GPC6: variants seen among roughly 807,000 people sequenced by gnomAD.
GPC6 encodes glypican-6.
GPC6 carries 14 observed loss-of-function variants against 55.2 expected under a neutral mutation model. The ratio of observed to expected loss-of-function variants is 0.25; its 90% CI spans 0.17 to 0.40. GPC6 has a LOEUF of 0.40. Ranked by LOEUF, GPC6 falls within the 10% of genes least tolerant of loss-of-function variation. The probability of loss-of-function intolerance (pLI) is 1.00; values close to 1 mark genes in which losing one functional copy is unlikely to be tolerated. For synonymous variants in GPC6, 278 were observed against 259.6 expected (o/e 1.07, Z -0.68); for missense variants, 641 against 708.5 (o/e 0.90, Z 1.08).
At chr13:93,914,964 T>A (rs1023557812) in intron 3 of GPC6, among the ~76,000 whole-genome samples, 48 of 152,208 alleles carry the variant, frequency 3.2e-4, no homozygotes, top group African/African-American at 1.2e-3. Flanking sequence ...TCCAAGCATA[T>A]TCTCAGTATT....
chr13:93,785,270 G>T (rs1381306022), intron 2 of GPC6, among the ~76,000 whole-genome samples: 3 of 152,112 alleles, frequency 2.0e-5, no homozygotes, highest in Non-Finnish European at 2.9e-5. Flanking sequence ...CAGAAGGAAA[G>T]AAATATACTA....
chr13:93,824,864 A>G (rs896311795), intron 2 of GPC6, among the ~76,000 whole-genome samples: 3 of 152,070 alleles, frequency 2.0e-5, no homozygotes, highest in Admixed American at 1.3e-4. Context: ...CCATCGATCT[A>G]TTCATTCATT....
chr13:94,108,528 G>A (rs1191443690), intron 4 of GPC6, among the ~76,000 whole-genome samples: 4 of 152,196 alleles, frequency 2.6e-5, no homozygotes, highest in South Asian at 2.1e-4. Context: ...AAAACCTATG[G>A]AAATAAGAAA....
intron 1 of GPC6, among the ~76,000 whole-genome samples, chr13:93,339,439 C>T (rs939149820): frequency 1.3e-5 from 2 of 151,544 alleles, no homozygotes; most frequent in Non-Finnish European, 2.9e-5. Flanking sequence ...TATCTTTCCC[C>T]TGAGTATCTC....
At chr13:93,363,408 G>A (rs1881122849) in intron 1 of GPC6, among the ~76,000 whole-genome samples, 2 of 151,830 alleles carry the variant, frequency 1.3e-5, no homozygotes, top group South Asian at 2.1e-4. Context: ...TCTTGTGATA[G>A]TTTACTGAGA....
intron 1 of GPC6, among the ~76,000 whole-genome samples, chr13:93,532,829 C>T (rs1434324482): frequency 1.3e-5 from 2 of 152,022 alleles, no homozygotes; most frequent in Non-Finnish European, 2.9e-5. Context: ...ACCATTGGAC[C>T]TGATTTAAAC....
chr13:93,729,103 C>T (rs987534073), intron 2 of GPC6, among the ~76,000 whole-genome samples: 2 of 152,114 alleles, frequency 1.3e-5, no homozygotes. Flanking sequence ...TGATATGGAA[C>T]TGCTTATATC....
chr13:93,280,721 G>A (rs1877921593), intron 1 of GPC6, among the ~76,000 whole-genome samples: 1 of 152,256 alleles, frequency 6.6e-6, no homozygotes, highest in Non-Finnish European at 1.5e-5. Flanking sequence ...GTGGTCCCCA[G>A]TCATTTTGGC....
intron 5 of GPC6, among the ~76,000 whole-genome samples, chr13:94,301,584 C>T (rs1476198113): frequency 6.6e-6 from 1 of 152,048 alleles, no homozygotes; most frequent in East Asian, 1.9e-4. Context: ...TGTTTTTCTG[C>T]CTTACATATT....
intron 4 of GPC6, among the ~76,000 whole-genome samples, chr13:94,168,280 A>G (rs1391840148): frequency 6.6e-6 from 1 of 151,328 alleles, no homozygotes. Context: ...GAGGCTTATC[A>G]CTCTCTGCTA....
intron 3 of GPC6, among the ~76,000 whole-genome samples, chr13:93,923,600 A>G (rs887658470): frequency 5.3e-5 from 8 of 152,186 alleles, no homozygotes; most frequent in Non-Finnish European, 8.8e-5. Flanking sequence ...ACAAATTTCC[A>G]GAATTTGAGT....
chr13:93,534,534 C>T (rs974148976), intron 1 of GPC6, among the ~76,000 whole-genome samples: 23 of 152,266 alleles, frequency 1.5e-4, no homozygotes, highest in African/African-American at 5.1e-4. Flanking sequence ...TCCTCTTTCC[C>T]ACCACGCCAC....
rs536482777 is a variant in GPC6, at chr13:94,392,795, G to A, written c.1290-5671G>A. On this transcript the variant is annotated intron_variant, in intron 7 of 8. Coordinates refer to ENST00000377047, the MANE Select transcript of GPC6 (RefSeq NM_005708.5). ...TTGGTCAGGCTGGTCTCGAACTCTC[G>A]ACCTCAGGTGATCCACCCTCTTGGT... Among the ~76,000 whole-genome samples, 25 of 129,528 alleles carry A rather than the reference G, an allele frequency of 1.9e-4. 3 individuals are homozygous for A. In the East Asian group the frequency reaches 5.5e-3, roughly 28 times the overall value. The allele number at this position is 129,528 out of a possible 152,430, so 85.0% of individuals were successfully genotyped here.
chr13:93,357,691 C>T (rs958360585), intron 1 of GPC6, among the ~76,000 whole-genome samples: 1 of 151,964 alleles, frequency 6.6e-6, no homozygotes, highest in Non-Finnish European at 1.5e-5. Flanking sequence ...AAAAAATAGC[C>T]AAACATGGTA....
rs1004876915 is a variant in GPC6, at chr13:93,794,917, AC to A, written c.320-35236del. 2.0e-5 allele frequency among the ~76,000 whole-genome samples: 3 copies of A among 152,244 alleles called. No homozygotes were observed. The East Asian group carries it at 5.8e-4, about 29-fold the overall frequency. ...CATGCTCTTCAAGCGTGCTTTATAA[AC>A]TATATCACTCTTTTCCATCAGCCCC... On this transcript the variant is annotated intron_variant, in intron 2 of 8. Coordinates refer to ENST00000377047, the MANE Select transcript of GPC6 (RefSeq NM_005708.5).
intron 1 of GPC6, among the ~76,000 whole-genome samples, chr13:93,378,482 T>G (rs1875019001): frequency 6.6e-6 from 1 of 152,162 alleles, no homozygotes; most frequent in Non-Finnish European, 1.5e-5. Context: ...AGTTAATTGC[T>G]CCCTATTTTG....
intron 1 of GPC6, among the ~76,000 whole-genome samples, chr13:93,386,191 C>T (rs1421200191): frequency 1.3e-5 from 2 of 149,014 alleles, no homozygotes; most frequent in African/African-American, 2.5e-5. Context: ...GCAAGTTCAG[C>T]GAATAACTGT....
intron 1 of GPC6, among the ~76,000 whole-genome samples, chr13:93,386,250 A>G (rs960820836): frequency 2.0e-5 from 3 of 152,234 alleles, no homozygotes; most frequent in African/African-American, 7.2e-5. Flanking sequence ...CTTAAATGGA[A>G]GGGAGAAACA....
chr13:94,152,679 C>T (rs1029096984), intron 4 of GPC6, among the ~76,000 whole-genome samples: 13 of 152,020 alleles, frequency 8.6e-5, no homozygotes, highest in Non-Finnish European at 1.8e-4. Flanking sequence ...CATTGTATTC[C>T]CCTTGTAAGA....
Sources: allele counts gnomAD v4.1 joint callset (sites outside exome capture counted in the v4.1 genomes callset), GRCh38; gene constraint gnomAD v4.1.1; transcripts MANE v1.5; gene names NCBI Gene and HGNC (gene_info 2026-07-23, HGNC 2026-07-21).